Variants in SLC35F4 observed in about 807,000 individuals in gnomAD.
SLC35F4 encodes chromosome 14 open reading frame 36.
In SLC35F4, 24 loss-of-function variants were observed where a neutral mutation model predicts 44.2. That is an observed-to-expected ratio of 0.54 (90% CI 0.39 to 0.76). The LOEUF (loss-of-function observed/expected upper bound fraction) is 0.76, where lower values mean the gene tolerates loss of function less well. Among genes scored for constraint, SLC35F4 ranks in the 30% least tolerant of loss-of-function variants. The pLI, the probability that SLC35F4 is intolerant of heterozygous loss-of-function variation, is 0.00. For missense variants in SLC35F4, 562 were observed against 586.1 expected (o/e 0.96, Z 0.42); for synonymous variants, 238 against 223.6 (o/e 1.06, Z -0.57).
At chr14:57,687,965 A>G (rs902673780) in intron 1 of SLC35F4, among the ~76,000 whole-genome samples, 1 of 152,238 alleles carries the variant, frequency 6.6e-6, no homozygotes, top group Non-Finnish European at 1.5e-5. Flanking sequence ...GCAAGATTGT[A>G]GAATCATCAA....
chr14:57,640,697 C>A lies in SLC35F4; in HGVS notation c.104-46573G>T, dbSNP rs138835339. 1.1e-3 allele frequency among the ~76,000 whole-genome samples: 171 copies of A among 151,994 alleles called. 2 individuals are homozygous for A. In the East Asian group the frequency reaches 0.032, roughly 28 times the overall value. Reference sequence around the variant, plus strand: ...ATACAGCAAGTATAGTCACACAGAGCCCTGATATATCATTTTGGATAGCAT... The same window carrying A: ...ATACAGCAAGTATAGTCACACAGAGACCTGATATATCATTTTGGATAGCAT... On this transcript the variant is annotated intron_variant, in intron 1 of 7. Transcript: ENST00000556826.
At chr14:57,943,914 C>G (rs917420649) in intron 1 of SLC35F4, among the ~76,000 whole-genome samples, 4 of 152,178 alleles carry the variant, frequency 2.6e-5, no homozygotes, top group African/African-American at 7.2e-5. Context: ...TGAACAGTTT[C>G]ATTAACACCT....
At chr14:57,723,826 T>C (rs2076141887) in intron 1 of SLC35F4, among the ~76,000 whole-genome samples, 1 of 152,214 alleles carries the variant, frequency 6.6e-6, no homozygotes, top group Non-Finnish European at 1.5e-5. Context: ...ACATTGATGA[T>C]ATTATGCTGA....
At chr14:57,624,158 A>T (rs1194769031) in intron 1 of SLC35F4, among the ~76,000 whole-genome samples, 3 of 152,350 alleles carry the variant, frequency 2.0e-5, no homozygotes, top group East Asian at 3.9e-4. Context: ...AACATCAGAG[A>T]ATATGATAAA....
At chr14:57,844,788 G>A (rs1013720995) in intron 1 of SLC35F4, among the ~76,000 whole-genome samples, 12 of 152,082 alleles carry the variant, frequency 7.9e-5, no homozygotes, top group African/African-American at 2.7e-4. Flanking sequence ...GATCAGGAGC[G>A]GGCATCCCCT....
chr14:57,808,684 C>A (rs1274801582), intron 1 of SLC35F4, among the ~76,000 whole-genome samples: 3 of 149,282 alleles, frequency 2.0e-5, no homozygotes, highest in Non-Finnish European at 4.4e-5. Context: ...TGCAAAACTG[C>A]GGTGCCAGCT....
intron 1 of SLC35F4, among the ~76,000 whole-genome samples, chr14:57,809,074 C>T (rs926497920): frequency 2.0e-5 from 3 of 152,110 alleles, no homozygotes; most frequent in Non-Finnish European, 4.4e-5. Flanking sequence ...CTATGCACCC[C>T]CACACGTTTT....
At chr14:57,639,794 T>C (rs1398098174) in intron 1 of SLC35F4, among the ~76,000 whole-genome samples, 1 of 151,964 alleles carries the variant, frequency 6.6e-6, no homozygotes, top group Non-Finnish European at 1.5e-5. Context: ...TACTACAATT[T>C]ATGGAGCAAA....
intron 1 of SLC35F4, chr14:57,630,422 T>C: frequency 1.4e-6 from 1 of 703,894 alleles, no homozygotes; most frequent in East Asian, 2.6e-5. Context: ...TTTTTCAAAA[T>C]CTAAATCCAA....
intron 1 of SLC35F4, among the ~76,000 whole-genome samples, chr14:57,632,228 A>C (rs1352200547): frequency 6.6e-6 from 1 of 152,134 alleles, no homozygotes; most frequent in African/African-American, 2.4e-5. Flanking sequence ...CAGTTCTAGC[A>C]AAGAGGAAAG....
intron 1 of SLC35F4, among the ~76,000 whole-genome samples, chr14:57,682,387 C>T (rs142354002): frequency 9.7e-4 from 147 of 152,150 alleles, no homozygotes; most frequent in African/African-American, 3.2e-3. Flanking sequence ...AGGAAACTAA[C>T]GCAAGAATAG....
At chr14:57,679,432 A>C (rs2074814367) in intron 1 of SLC35F4, among the ~76,000 whole-genome samples, 1 of 152,120 alleles carries the variant, frequency 6.6e-6, no homozygotes. Context: ...GGAAATATCT[A>C]AAATTGACAC....
chr14:57,760,732 T>C (rs951523562), intron 1 of SLC35F4, among the ~76,000 whole-genome samples: 2 of 152,184 alleles, frequency 1.3e-5, no homozygotes, highest in African/African-American at 4.8e-5. Context: ...ATGAATATTC[T>C]CCCAATGCCC....
intron 1 of SLC35F4, among the ~76,000 whole-genome samples, chr14:57,797,916 C>G (rs2078093158): frequency 6.6e-6 from 1 of 151,888 alleles, no homozygotes; most frequent in Non-Finnish European, 1.5e-5. Context: ...GAAAGTAATA[C>G]AAAGTAGAGA....
intron 1 of SLC35F4, among the ~76,000 whole-genome samples, chr14:57,944,771 GAA>G (rs764952359): frequency 2.0e-5 from 3 of 149,880 alleles, no homozygotes; most frequent in Non-Finnish European, 4.5e-5. Context: ...AGAAAGAAAA[GAA>G]AAGAAAAAAG....
intron 1 of SLC35F4, among the ~76,000 whole-genome samples, chr14:57,778,833 C>A (rs1258189676): frequency 1.3e-5 from 2 of 151,848 alleles, no homozygotes; most frequent in Non-Finnish European, 2.9e-5. Flanking sequence ...TGTAACCATA[C>A]AATTACATGG....
At chr14:57,796,773 A>G (rs189272977) in intron 1 of SLC35F4, among the ~76,000 whole-genome samples, 83 of 152,336 alleles carry the variant, frequency 5.4e-4, no homozygotes, top group Non-Finnish European at 9.8e-4. Flanking sequence ...GCAGTTAAAC[A>G]TCAAGCTAAG....
At chr14:57,969,670 T>G (rs951786950) in intron 1 of SLC35F4, among the ~76,000 whole-genome samples, 3 of 152,230 alleles carry the variant, frequency 2.0e-5, no homozygotes, top group African/African-American at 7.2e-5. Context: ...CTTATGGCTA[T>G]TTAATAGCCT....
At chr14:57,719,518 A>T (rs1355452839) in intron 1 of SLC35F4, among the ~76,000 whole-genome samples, 2 of 151,176 alleles carry the variant, frequency 1.3e-5, no homozygotes, top group African/African-American at 4.9e-5. Context: ...TATAGTTCTC[A>T]TTTTAGAGAA....
Sources: gnomAD v4.1 joint callset for allele counts (sites outside exome capture counted in the v4.1 genomes callset) on GRCh38, gnomAD v4.1.1 for gene constraint, MANE v1.5 for transcripts, NCBI Gene and HGNC (gene_info 2026-07-23, HGNC 2026-07-21) for gene names.